Variants in WDR87 observed in about 807,000 individuals in gnomAD.
The protein encoded by WDR87 is WD repeat domain 87, also known as WD repeat-containing protein 87.
In WDR87, 56 loss-of-function variants were observed where a neutral mutation model predicts 83.3. The observed-to-expected ratio is 0.67, with a 90% CI of 0.54 to 0.84. WDR87 has a LOEUF of 0.84. Among genes scored for constraint, WDR87 ranks in the 40% least tolerant of loss-of-function variants. The probability of loss-of-function intolerance (pLI) is 0.00; values close to 1 mark genes in which losing one functional copy is unlikely to be tolerated. For missense variants in WDR87, 2,939 were observed against 3,431.9 expected, an observed-to-expected ratio of 0.86 and a Z score of 3.59; for synonymous variants, 1,173 against 1,250.6, an observed-to-expected ratio of 0.94 and a Z score of 1.31.
At position 37,893,965 on chromosome 19, in the gene WDR87, G is replaced by A. The variant is rs1179132339; in HGVS notation, c.1738C>T (p.Arg580Cys). The A allele has an allele frequency of 6.4e-6, 10 of 1,551,648 alleles. No individual in the cohort carries two copies. The highest frequency in any genetic ancestry group is 5.5e-5 in the African/African-American group (4 of 73,000). Residue 580 changes from arginine to cysteine, a missense_variant, in exon 4 of 6, where the codon CGT becomes TGT. Arg to Cys is a radical substitution (Grantham distance 180, BLOSUM62 -3). This residue lies in a region of WDR87 where 553 missense variants were observed against 577.9 expected (regional missense o/e 0.96). Coordinates refer to ENST00000447313, the MANE Select transcript of WDR87 (RefSeq NM_001291088.2). ...VGAITETNCL[R>C]LWKFHDFLSS... ...AGAAAATCATGGAACTTCCAGAGAC[G>A]CAGGCAGTTTGTCTCTGTGATGGCA...
At position 37,894,255 on chromosome 19, in the gene WDR87, C is replaced by T. The variant is rs2046233912; in HGVS notation, c.1448G>A (p.Ser483Asn). The change falls in exon 4 of 6, where the codon AGT (serine) becomes AAT (asparagine). Residue 483 changes from serine (S) to asparagine (N), a missense_variant. By Grantham distance (46) the Ser-to-Asn change is conservative (BLOSUM62 1). Transcript: ENST00000447313. ...CTGGGAGAGCACTCTTATCACACCA[C>T]TCTGGTGCCCAGAGAATATCAGTCC... is the stretch of plus-strand genomic sequence containing the variant. ...LEGLIFSGHQ[S>N]GVIRVLSQHS... 3.9e-6 allele frequency: 6 copies of T among 1,551,836 alleles called. No individual in the cohort carries two copies. In the African/African-American group the frequency reaches 8.2e-5, roughly 21 times the overall value.
At chr19:37,898,413 T>G in intron 1 of WDR87, 128 bp from the exon 2 acceptor site, 1 of 1,190,930 alleles carries the variant, frequency 8.4e-7, no homozygotes, top group Non-Finnish European at 1.1e-6. Flanking sequence ...GCACAAGACA[T>G]ACCTTCTCAT....
chr19:37,892,754 C>T lies in WDR87; in HGVS notation c.2949G>A (p.Gly983=). Residue 983 remains glycine (G), a synonymous_variant, in exon 4 of 6, where the codon GGG becomes GGA. Transcript: ENST00000447313. ...GAGTAATCATTCCTAGACGCTTCAG[C>T]CCTTCCCAAGCTAGTTCTCGGATCA... ...NPLIRELAWE[G]LKRLGMITHL... 1.3e-6 allele frequency: 2 copies of T among 1,551,736 alleles called. No individual in the cohort carries two copies. The highest frequency in any genetic ancestry group is 1.7e-6 in the Non-Finnish European group (2 of 1,146,990).
In WDR87 at chr19:37,887,081, T is replaced by C; in HGVS notation, c.6590A>G (p.Glu2197Gly). 6.4e-7 allele frequency: 1 copy of C among 1,550,406 alleles called. No homozygotes were observed. Among genetic ancestry groups the C allele is most frequent in the Non-Finnish European group, 8.7e-7 (1 of 1,146,832 alleles). The change falls in exon 6 of 6, where the codon GAA (glutamate) becomes GGA (glycine). Residue 2197 changes from glutamate (E) to glycine (G), a missense_variant. Glu to Gly is a moderately conservative substitution (Grantham distance 98, BLOSUM62 -2). Coordinates refer to ENST00000447313, the MANE Select transcript of WDR87 (RefSeq NM_001291088.2). ...TTTGCTCTCTTCCTCAGTCATTTTT[T>C]CTTCTTTGTTTATCATTCTTCTCAT... ...NKMRRMINKEEKMTEEESKLA... is the reference protein window; with the variant it reads ...NKMRRMINKEGKMTEEESKLA...
rs746542552 is a variant in WDR87 at position 37,887,842 on chromosome 19, C to T, written c.5829G>A (p.Lys1943=). The change falls in exon 6 of 6, where the codon AAG becomes AAA. Residue 1943 remains lysine (K), a synonymous_variant. Transcript: ENST00000447313. The part of the protein sequence containing the change: ...KLTQEKETVI[K]KKEKLAETEK... ...CTGTTTCAGCCAGTTTCTCCTTCTT[C>T]TTGATCACAGTCTCCTTTTCCTGTG... is the stretch of plus-strand genomic sequence containing the variant. 2 of 1,550,942 alleles carry T rather than the reference C, an allele frequency of 1.3e-6. No homozygotes were observed. The highest frequency in any genetic ancestry group is 1.4e-5 in the African/African-American group (1 of 72,918).
chr19:37,901,465 C>T (rs542269706), intron 1 of WDR87, among the ~76,000 whole-genome samples: 29 of 152,154 alleles, frequency 1.9e-4, no homozygotes, highest in African/African-American at 6.7e-4. Context: ...AAAACCCAAA[C>T]AACAACCACA....
rs936688437 is a variant in WDR87, at chr19:37,886,942, C to G, written c.6729G>C (p.Lys2243Asn). Residue 2243 changes from lysine to asparagine, a missense_variant, in exon 6 of 6, where the codon AAG (lysine) becomes AAC (asparagine). Transcript: ENST00000447313. ...KRRWRKRKEA[K>N]RGDKPKEKFS... ...ACTTTTCTTTTGGTTTGTCACCTCT[C>G]TTGGCCTCTTTCCTCTTTCTCCACC... is the stretch of plus-strand genomic sequence containing the variant. 3 of 1,551,828 alleles carry G rather than the reference C, an allele frequency of 1.9e-6. No homozygotes were observed. In the African/African-American group the frequency reaches 4.1e-5, roughly 21 times the overall value.
Position 37,885,547 on chromosome 19 carries a change from G to A in WDR87, c.8124C>T (p.Ala2708=), listed in dbSNP as rs1446149091. Residue 2708 remains alanine, a synonymous_variant, in exon 6 of 6, where the codon GCC becomes GCT. Transcript: ENST00000447313. The part of the protein sequence containing the change: ...KEMEMQYFYP[A]TRDIFPSAHA... ...GGGCACTTGGAAAAATGTCTCTGGT[G>A]GCAGGATAAAAGTATTGCATTTCCA... is the stretch of plus-strand genomic sequence containing the variant. 3 of 1,551,686 alleles carry A rather than the reference G, an allele frequency of 1.9e-6. No individual in the cohort carries two copies. Among genetic ancestry groups the A allele is most frequent in the South Asian group, 1.2e-5 (1 of 84,066 alleles).
In WDR87 at chr19:37,888,158, C is replaced by T; in HGVS notation, c.5513G>A (p.Gly1838Glu). 7 of 1,552,042 alleles carry T rather than the reference C, an allele frequency of 4.5e-6. No homozygotes were observed. The highest frequency in any genetic ancestry group is 5.2e-6 in the Non-Finnish European group (6 of 1,147,088). ...EKMPEEEERL[G>E]RKREQLIEKK... ...CTCAATCAATTGCTCCCTTTTCCGT[C>T]CCAGTCTTTCCTCTTCCTCAGGCAT... Residue 1838 changes from glycine to glutamate, a missense_variant, in exon 6 of 6, where the codon GGA becomes GAA. Gly to Glu is a moderately conservative substitution (Grantham distance 98, BLOSUM62 -2). Around this residue, in one of 3 missense-constraint regions of WDR87, gnomAD observed 2,160 missense variants for 2,533.1 expected, o/e 0.85. Transcript: ENST00000447313.
chr19:37,887,110 G>GT lies in WDR87; in HGVS notation c.6560dup (p.Asn2187LysfsTer15). ...CTTTGTTTATCATTCTTCTCATTTT[G>GT]TTGGCCAGTTTTCTCTGCTTCCGAG... On this transcript the variant is annotated frameshift_variant, in exon 6 of 6. Coordinates refer to ENST00000447313, the MANE Select transcript of WDR87 (RefSeq NM_001291088.2). LOFTEE classifies it low-confidence loss of function (END_TRUNC). 1 of 1,548,798 alleles carries GT rather than the reference G, an allele frequency of 6.5e-7. No homozygotes were observed.
Position 37,885,965 on chromosome 19 carries a change from T to C in WDR87, c.7706A>G (p.His2569Arg). ...TCCCGCTTCCATTCGTTCTAGGACA[T>C]GGCGGATCCACTCTACATCTGAGAG... ...VSLSDVEWIR[H>R]VLERMEAGEQ... Residue 2569 changes from histidine (H) to arginine (R), a missense_variant, in exon 6 of 6, where the codon CAT becomes CGT. Coordinates refer to ENST00000447313, the MANE Select transcript of WDR87 (RefSeq NM_001291088.2). The C allele has an allele frequency of 6.4e-7, 1 of 1,552,180 alleles. No individual in the cohort carries two copies.
Position 37,895,424 on chromosome 19 carries a change from G to A in WDR87, c.279C>T (p.Asp93=), listed in dbSNP as rs756203029. The A allele has an allele frequency of 2.6e-6, 4 of 1,551,574 alleles. No homozygotes were observed. The highest frequency in any genetic ancestry group is 3.5e-6 in the Non-Finnish European group (4 of 1,146,990). Residue 93 remains aspartate (D), a synonymous_variant, in exon 4 of 6, where the codon GAC becomes GAT. Transcript: ENST00000447313. ...AVAWMKSKTE[D]MVEKRTFSMT... ...TGGAGAATGTTCTTTTCTCAACCAT[G>A]TCCTCAGTTTTGCTCTTCATCCATG...
At chr19:37,902,714 G>T (rs1345167560) in intron 1 of WDR87, among the ~76,000 whole-genome samples, 1 of 152,182 alleles carries the variant, frequency 6.6e-6, no homozygotes, top group Non-Finnish European at 1.5e-5. Flanking sequence ...TACAGCATTA[G>T]TTGGTGGCCT....
chr19:37,886,414 A>G lies in WDR87; in HGVS notation c.7257T>C (p.Ala2419=), dbSNP rs1426662112. 1 of 1,537,094 alleles carries G rather than the reference A, an allele frequency of 6.5e-7. No homozygotes were observed. The highest frequency in any genetic ancestry group is 2.4e-5 in the East Asian group (1 of 40,822). Residue 2419 remains alanine, a synonymous_variant, in exon 6 of 6, where the codon GCT becomes GCC. Transcript: ENST00000447313. The part of the protein sequence containing the change: ...LRGVPHGKGR[A]IRLGVLKSPL... ...GGCTTTTTAGAACTCCTAGTCTTAT[A>G]GCCCTGCCTTTGCCATGAGGAACTC... is the stretch of plus-strand genomic sequence containing the variant.
intron 2 of WDR87, among the ~76,000 whole-genome samples, chr19:37,896,834 G>A (rs2046259659): frequency 6.6e-6 from 1 of 152,104 alleles, no homozygotes; most frequent in African/African-American, 2.4e-5. Flanking sequence ...TGGCCACGCT[G>A]GTCTTGAACT....
chr19:37,900,475 C>T (rs1460351166), intron 1 of WDR87, among the ~76,000 whole-genome samples: 2 of 147,012 alleles, frequency 1.4e-5, no homozygotes, highest in African/African-American at 5.1e-5. Flanking sequence ...GCAGGAGAAT[C>T]GCTTCAACAT....
Position 37,888,900 on chromosome 19 carries a change from G to A in WDR87, c.4771C>T (p.Arg1591Trp), listed in dbSNP as rs1174955165. ...EEVTLEEEVS[R>W]EGEEKEQQVT... The stretch of plus-strand genomic sequence containing the variant: ...TGCTGTTCTTTTTCTTCCCCCTCCC[G>A]AGACACTTCTTCCTCCAAAGTCACT... Residue 1591 changes from arginine to tryptophan, a missense_variant, in exon 6 of 6, where the codon CGG becomes TGG. Arg to Trp is a moderately radical substitution (Grantham distance 101). Coordinates refer to ENST00000447313, the MANE Select transcript of WDR87 (RefSeq NM_001291088.2). 8.4e-6 allele frequency: 13 copies of A among 1,551,226 alleles called. No individual in the cohort carries two copies. The highest frequency in any genetic ancestry group is 7.9e-5 in the Admixed American group (4 of 50,854).
chr19:37,898,572 G>A (rs571627620), intron 1 of WDR87, among the ~76,000 whole-genome samples: 32 of 152,270 alleles, frequency 2.1e-4, no homozygotes, highest in African/African-American at 7.2e-4. Context: ...CAGAGAAACC[G>A]AGAGAGGGGC....
intron 1 of WDR87, among the ~76,000 whole-genome samples, chr19:37,899,158 C>A (rs887093810): frequency 6.6e-6 from 1 of 152,062 alleles, no homozygotes; most frequent in African/African-American, 2.4e-5. Context: ...GTGGCTCACG[C>A]CTGCAATCCC....
Sources: allele counts gnomAD v4.1 joint callset (sites outside exome capture counted in the v4.1 genomes callset), GRCh38; gene constraint gnomAD v4.1.1; regional missense constraint gnomAD v4.1.1; transcripts MANE v1.5; gene names NCBI Gene and HGNC (gene_info 2026-07-23, HGNC 2026-07-21).